Variants in SNTG2 observed in about 807,000 individuals in gnomAD.
SNTG2 encodes gamma-2-syntrophin.
Under a neutral mutation model 70.9 loss-of-function variants are expected in SNTG2, and 74 were observed. The ratio of observed to expected loss-of-function variants is 1.04; its 90% CI spans 0.86 to 1.27. The LOEUF is 1.27. SNTG2 is among the 50% of genes most tolerant of loss of function. The probability of loss-of-function intolerance (pLI) is 0.00; values close to 1 mark genes in which losing one functional copy is unlikely to be tolerated. For synonymous variants in SNTG2, 278 were observed against 273.8 expected, an observed-to-expected ratio of 1.02 and a Z score of -0.15; for missense variants, 717 against 690.7, an observed-to-expected ratio of 1.04 and a Z score of -0.43.
intron 8 of SNTG2, among the ~76,000 whole-genome samples, chr2:1,188,845 A>G (rs1450942359): frequency 2.0e-5 from 3 of 152,174 alleles, no homozygotes; most frequent in African/African-American, 7.2e-5. Context: ...TAGTTTATCA[A>G]TCCAATGGCA....
chr2:1,169,644 T>C (rs1331072311), intron 7 of SNTG2, among the ~76,000 whole-genome samples: 1 of 152,152 alleles, frequency 6.6e-6, no homozygotes, highest in Non-Finnish European at 1.5e-5. Flanking sequence ...GTCCGTGGGC[T>C]CCACTAAAAC....
At chr2:1,210,934 A>C (rs1430453753) in intron 9 of SNTG2, among the ~76,000 whole-genome samples, 1 of 152,146 alleles carries the variant, frequency 6.6e-6, no homozygotes, top group Non-Finnish European at 1.5e-5. Context: ...CTGTAAGTGC[A>C]CCCTACGATG....
At chr2:1,330,468 A>G (rs1434899368) in intron 16 of SNTG2, among the ~76,000 whole-genome samples, 1 of 152,182 alleles carries the variant, frequency 6.6e-6, no homozygotes, top group Non-Finnish European at 1.5e-5. Flanking sequence ...AGGCCTGGGA[A>G]AGCCTGGTGT....
At chr2:1,310,369 C>T (rs971807936) in intron 15 of SNTG2, among the ~76,000 whole-genome samples, 6 of 152,156 alleles carry the variant, frequency 3.9e-5, no homozygotes, top group Non-Finnish European at 7.4e-5. Flanking sequence ...CACCCATGCT[C>T]GGGGCTCAGC....
In SNTG2 at chr2:1,351,361, A is replaced by G. The variant is rs79796054; in HGVS notation, c.1489-15982A>G. ...CAAGATAATAATGCTGAGGGTATAA[A>G]TAACATTTATGAAGATATAATTCCA... On this transcript the variant is annotated intron_variant, in intron 16 of 16. Transcript: ENST00000308624. Among the ~76,000 whole-genome samples the G allele has an allele frequency of 4.6e-5, 7 of 152,246 alleles. No homozygotes were observed. In the East Asian group the frequency reaches 1.2e-3, roughly 25 times the overall value.
intron 8 of SNTG2, among the ~76,000 whole-genome samples, chr2:1,183,263 A>G (rs951143284): frequency 1.3e-5 from 2 of 152,108 alleles, no homozygotes; most frequent in African/African-American, 4.8e-5. Flanking sequence ...TGATGTGGGC[A>G]TTGGAGTTTT....
At chr2:956,222 GCCCCTGCCCCA>G (rs1471892355) in intron 1 of SNTG2, among the ~76,000 whole-genome samples, 3 of 27,260 alleles carry the variant, frequency 1.1e-4, no homozygotes, top group East Asian at 1.2e-3. Flanking sequence ...CCCCTGCCCC[GCCCCTGCCCCA>G]CCCCTGCCCC....
At chr2:1,083,284 TA>T (rs1664460842) in intron 1 of SNTG2, among the ~76,000 whole-genome samples, 1 of 150,686 alleles carries the variant, frequency 6.6e-6, no homozygotes. Flanking sequence ...AATTTTCTTT[TA>T]AAAACATGCC....
chr2:1,134,962 C>T (rs1224095968), intron 4 of SNTG2, among the ~76,000 whole-genome samples: 1 of 152,160 alleles, frequency 6.6e-6, no homozygotes, highest in Non-Finnish European at 1.5e-5. Context: ...AGCCGCTGGC[C>T]AGGGGGCTAA....
rs574217732 is a variant in SNTG2 at position 1,078,845 on chromosome 2, G to A, written c.73-4673G>A. Among the ~76,000 whole-genome samples the A allele has an allele frequency of 7.2e-5, 11 of 152,240 alleles. 1 individual carries two copies. In the East Asian group the frequency reaches 1.7e-3, roughly 24 times the overall value. ...GGGATTTGCTGGTGAGTTGGACACTGAGGGTCAGGAGGGAGGAAGGTCACA... is the reference window on the plus strand; with the variant it reads ...GGGATTTGCTGGTGAGTTGGACACTAAGGGTCAGGAGGGAGGAAGGTCACA... On this transcript the variant is annotated intron_variant, in intron 1 of 16. Transcript: ENST00000308624.
intron 4 of SNTG2, among the ~76,000 whole-genome samples, chr2:1,135,624 A>G (rs1668332269): frequency 6.6e-6 from 1 of 152,178 alleles, no homozygotes; most frequent in Non-Finnish European, 1.5e-5. Flanking sequence ...TGGGAGGCTG[A>G]GGCAAAAGAA....
intron 16 of SNTG2, among the ~76,000 whole-genome samples, chr2:1,335,085 T>G (rs868010672): frequency 6.6e-6 from 1 of 152,242 alleles, no homozygotes; most frequent in African/African-American, 2.4e-5. Flanking sequence ...GAGATTCATG[T>G]GTTTTTGTCT....
chr2:1,037,995 T>G (rs991885612), intron 1 of SNTG2, among the ~76,000 whole-genome samples: 1 of 152,190 alleles, frequency 6.6e-6, no homozygotes, highest in Non-Finnish European at 1.5e-5. Flanking sequence ...ACTCTGCTTC[T>G]CATCTGTGGA....
At chr2:1,342,593 CCT>C (rs1660176654) in intron 16 of SNTG2, among the ~76,000 whole-genome samples, 1 of 2,604 alleles carries the variant, frequency 3.8e-4, no homozygotes, top group African/African-American at 1.3e-3. Context: ...CACTTTTCCC[CCT>C]GTTCTGGGCA....
intron 16 of SNTG2, among the ~76,000 whole-genome samples, chr2:1,356,581 T>C (rs1415550842): frequency 2.6e-5 from 4 of 152,226 alleles, no homozygotes; most frequent in South Asian, 4.1e-4. Flanking sequence ...ACTGTGGCTT[T>C]GTAATATGTT....
chr2:1,117,800 C>T (rs771462114), intron 4 of SNTG2, among the ~76,000 whole-genome samples: 42 of 152,360 alleles, frequency 2.8e-4, no homozygotes, highest in Middle Eastern at 6.8e-3. Flanking sequence ...TTTGCTGCTG[C>T]TGCACTGGCC....
chr2:1,232,038 C>T (rs1002207269), intron 9 of SNTG2, among the ~76,000 whole-genome samples: 1 of 152,178 alleles, frequency 6.6e-6, no homozygotes, highest in African/African-American at 2.4e-5. Context: ...CCCTGGACAT[C>T]GTGCTCCAGT....
intron 4 of SNTG2, among the ~76,000 whole-genome samples, chr2:1,104,638 C>G (rs1206628450): frequency 6.6e-6 from 1 of 152,170 alleles, no homozygotes; most frequent in African/African-American, 2.4e-5. Flanking sequence ...TGCCGTGGGT[C>G]CTTTTGTCAG....
At chr2:1,025,866 A>ATCATTCATTCAT (rs756975221) in intron 1 of SNTG2, among the ~76,000 whole-genome samples, 1 of 152,154 alleles carries the variant, frequency 6.6e-6, no homozygotes, top group Admixed American at 6.5e-5. Flanking sequence ...CATAGACAGC[A>ATCATTCATTCAT]TCATTCATTC....
Sources: allele counts gnomAD v4.1 joint callset (sites outside exome capture counted in the v4.1 genomes callset), GRCh38; gene constraint gnomAD v4.1.1; transcripts MANE v1.5; gene names NCBI Gene and HGNC (gene_info 2026-07-23, HGNC 2026-07-21).